The following CCDC88B variants were observed in gnomAD, a reference collection of about 807,000 sequenced individuals.
CCDC88B encodes coiled-coil and HOOK domain protein 88B.
CCDC88B carries 138 observed loss-of-function variants against 183.7 expected under a neutral mutation model. That is an observed-to-expected ratio of 0.75 (90% CI 0.65 to 0.87). The LOEUF (loss-of-function observed/expected upper bound fraction) is 0.87. CCDC88B is among the 40% of genes least tolerant of loss of function. The pLI is 0.00. For synonymous variants in CCDC88B, 835 were observed against 867.5 expected, an observed-to-expected ratio of 0.96 and a Z score of 0.66; for missense variants, 1,822 against 1,965.6, an observed-to-expected ratio of 0.93 and a Z score of 1.38.
In CCDC88B at chr11:64,357,255, C is replaced by T. The variant is rs771840854; in HGVS notation, c.*161C>T. ...ATCCTCCACGGTCAGCGCCGGGGCC[C>T]GGAGATGGAGCTGGGACGAGTGTGT... On this transcript the variant is annotated 3_prime_UTR_variant, in exon 27 of 27. Coordinates refer to ENST00000356786, the MANE Select transcript of CCDC88B (RefSeq NM_032251.6). The T allele has an allele frequency of 4.9e-5, 42 of 855,492 alleles. No homozygotes were observed. Among genetic ancestry groups the T allele is most frequent in the East Asian group, 1.0e-4 (4 of 38,248 alleles). 53.0% of individuals were successfully genotyped at this position (855,492 alleles called of 1,614,324 possible). A position where few individuals can be genotyped will look rare whatever the true frequency, so the allele number is the denominator to read the frequency against.
intron 24 of CCDC88B, among the ~76,000 whole-genome samples, chr11:64,354,760 C>T (rs1418281520): frequency 8.6e-6 from 1 of 116,596 alleles, no homozygotes; most frequent in Non-Finnish European, 1.8e-5. Flanking sequence ...CTGCATGAGA[C>T]TCAGTCCCCG....
chr11:64,343,142 G>C, intron 10 of CCDC88B, 37 bp from the exon 11 acceptor site: 2 of 1,498,868 alleles, frequency 1.3e-6, no homozygotes, highest in Non-Finnish European at 1.8e-6. Context: ...GTGCATGGGG[G>C]CTGCGTGGCT....
chr11:64,352,119 C>T lies in CCDC88B; in HGVS notation c.3100-11C>T. 1.3e-6 allele frequency: 2 copies of T among 1,531,028 alleles called. No individual in the cohort carries two copies. The highest frequency in any genetic ancestry group is 1.8e-6 in the Non-Finnish European group (2 of 1,135,756). The allele number at this position is 1,531,028 out of a possible 1,614,324, so 94.8% of individuals were successfully genotyped here. On this transcript the variant is annotated splice_polypyrimidine_tract_variant and intron_variant, in intron 18 of 26. Coordinates refer to ENST00000356786, the MANE Select transcript of CCDC88B (RefSeq NM_032251.6). ...CTCCCCAGCAGCCCCTGCTTCCCTC[C>T]TCCATCCTAGGCCGAGAAGTCTGTG...
intron 16 of CCDC88B, 63 bp from the exon 17 acceptor site, chr11:64,351,097 C>A: frequency 7.9e-7 from 1 of 1,262,322 alleles, no homozygotes; most frequent in Non-Finnish European, 1.1e-6. Flanking sequence ...AAGCGCAGGT[C>A]CTTGAGGCAT....
intron 7 of CCDC88B, 30 bp downstream of exon 7, chr11:64,341,772 G>A (rs778596045): frequency 1.3e-6 from 2 of 1,542,958 alleles, no homozygotes; most frequent in Middle Eastern, 1.8e-4. Context: ...CGTGGACTCA[G>A]GTTGGGGAAC....
At chr11:64,355,670 C>G in intron 26 of CCDC88B, 42 bp downstream of exon 26, 3 of 1,524,570 alleles carry the variant, frequency 2.0e-6, no homozygotes, top group Non-Finnish European at 2.7e-6. Flanking sequence ...CTTTGTCCTG[C>G]CTGGGGCCCC....
At position 64,340,674 on chromosome 11, in the gene CCDC88B, A is replaced by G; in HGVS notation, c.128A>G (p.Glu43Gly). ...GAGGGGGAAGAAGAGGAAGAGGAGG[A>G]AGAGCCGCCCCTTTGGTTGGAGAAG... ...DSEGEEEEEE[E>G]EPPLWLEKRF... Residue 43 changes from glutamate to glycine, a missense_variant, in exon 2 of 27, where the codon GAA (glutamate) becomes GGA (glycine). By Grantham distance (98) the Glu-to-Gly change is moderately conservative. Coordinates refer to ENST00000356786, the MANE Select transcript of CCDC88B (RefSeq NM_032251.6). 6.2e-7 allele frequency: 1 copy of G among 1,612,124 alleles called. No homozygotes were observed. The highest frequency in any genetic ancestry group is 8.5e-7 in the Non-Finnish European group (1 of 1,179,796).
In CCDC88B at chr11:64,351,460, C is replaced by A; in HGVS notation, c.2959-16C>A. 6.3e-7 allele frequency: 1 copy of A among 1,581,330 alleles called. No homozygotes were observed. On this transcript the variant is annotated splice_polypyrimidine_tract_variant and intron_variant, in intron 17 of 26. Transcript: ENST00000356786. ...CCCCCGCCACCTGGCTATTGCTAAC[C>A]CCCACTTCTGGGCAGAATGCGATGC...
At position 64,342,123 on chromosome 11, in the gene CCDC88B, C is replaced by T. The variant is rs564518326; in HGVS notation, c.805C>T (p.Arg269Cys). Residue 269 changes from arginine (R) to cysteine (C), a missense_variant, in exon 8 of 27, where the codon CGT becomes TGT. Coordinates refer to ENST00000356786, the MANE Select transcript of CCDC88B (RefSeq NM_032251.6). ...GGCCAACGCCAAGGCTCAGCTGCGG[C>T]GTCTGCGGCAGGAGCTGTGAGTGTG... ...QLANAKAQLR[R>C]LRQELEEKAE... The T allele has an allele frequency of 1.4e-4, 228 of 1,609,462 alleles. 1 individual carries two copies. The South Asian group carries it at 2.1e-3, about 14-fold the overall frequency.
chr11:64,353,366 C>T lies in CCDC88B; in HGVS notation c.3703C>T (p.Arg1235Ter), dbSNP rs771307009. Residue 1235 changes from arginine to a stop codon, truncating the protein, a stop_gained, in exon 22 of 27, where the codon CGA becomes TGA. Transcript: ENST00000356786. LOFTEE classifies it high-confidence loss of function. Reference sequence around the variant, plus strand: ...CCCCTGCCAGCTATTGACACAGCTGCGAAGTGCCCAGGAAGAGGAGAACCG... The same window carrying T: ...CCCCTGCCAGCTATTGACACAGCTGTGAAGTGCCCAGGAAGAGGAGAACCG... ...TTQCELLTQL[R>*]SAQEEENRQL... The T allele has an allele frequency of 7.4e-6, 12 of 1,613,434 alleles. No individual in the cohort carries two copies. Among genetic ancestry groups the T allele is most frequent in the South Asian group, 1.1e-5 (1 of 91,058 alleles).
At position 64,351,432 on chromosome 11, in the gene CCDC88B, G is replaced by A. The variant is rs1214130251; in HGVS notation, c.2959-44G>A. The A allele has an allele frequency of 1.9e-6, 3 of 1,557,318 alleles. No homozygotes were observed. In the South Asian group the frequency reaches 3.5e-5, roughly 18 times the overall value. On this transcript the variant is annotated intron_variant, in intron 17 of 26. Transcript: ENST00000356786. ...GTGGGCCTGTGGTAGGCACTAGGGG[G>A]TGCCCCCGCCACCTGGCTATTGCTA...
Position 64,344,059 on chromosome 11 carries a change from G to A in CCDC88B, c.1518G>A (p.Gln506=). 1 of 1,594,760 alleles carries A rather than the reference G, an allele frequency of 6.3e-7. No homozygotes were observed. Among genetic ancestry groups the A allele is most frequent in the Non-Finnish European group, 8.5e-7 (1 of 1,170,032 alleles). ...TTCCAGTGCTGGAGGAGGCTCCCCA[G>A]ACTCCTGTGGCCTTCGACCACAGCC... ...PVLPVLEEAP[Q]TPVAFDHSPQ... Residue 506 remains glutamine, a synonymous_variant, in exon 14 of 27, where the codon CAG becomes CAA. Coordinates refer to ENST00000356786, the MANE Select transcript of CCDC88B (RefSeq NM_032251.6). The surrounding 1 kb of genome is among the most constrained non-coding windows in gnomAD (Gnocchi z 4.5).
chr11:64,352,661 C>T (rs2036384834), intron 19 of CCDC88B, 83 bp from the exon 20 acceptor site: 1 of 1,580,982 alleles, frequency 6.3e-7, no homozygotes, highest in Non-Finnish European at 8.6e-7. Context: ...ACAGACCCCC[C>T]CGCCCCGGGT....
Position 64,340,769 on chromosome 11 carries a change from C to G in CCDC88B, c.206+17C>G, listed in dbSNP as rs1233639173. The G allele has an allele frequency of 1.3e-6, 2 of 1,593,962 alleles. No homozygotes were observed. Among genetic ancestry groups the G allele is most frequent in the Non-Finnish European group, 1.7e-6 (2 of 1,170,400 alleles). ...GGGCATCATGTAAGGGGCATCGGGC[C>G]GGGGCGGTGGCGGGGAAGGATCTGA... On this transcript the variant is annotated intron_variant, in intron 2 of 26. Transcript: ENST00000356786.
Position 64,354,079 on chromosome 11 carries a change from G to C in CCDC88B, c.4008G>C (p.Leu1336=), listed in dbSNP as rs2036449239. Reference sequence around the variant, plus strand: ...GGGAGGGGGGCCCCCCTGGGGGGCTGCGCCTGGGGGCCGATGGGGCTGGCA... The same window carrying C: ...GGGAGGGGGGCCCCCCTGGGGGGCTCCGCCTGGGGGCCGATGGGGCTGGCA... The part of the protein sequence containing the change: ...PRREGGPPGG[L]RLGADGAGST... Residue 1336 remains leucine (L), a synonymous_variant, in exon 24 of 27, where the codon CTG becomes CTC. Coordinates refer to ENST00000356786, the MANE Select transcript of CCDC88B (RefSeq NM_032251.6). The C allele has an allele frequency of 9.8e-6, 14 of 1,432,482 alleles. No homozygotes were observed. The highest frequency in any genetic ancestry group is 1.2e-5 in the Non-Finnish European group (13 of 1,087,952). The allele number at this position is 1,432,482 out of a possible 1,614,324, so 88.7% of individuals were successfully genotyped here.
intron 16 of CCDC88B, chr11:64,350,640 C>T (rs1385785852): frequency 6.6e-6 from 1 of 151,502 alleles, no homozygotes; most frequent in Non-Finnish European, 1.5e-5. Context: ...GAGCCGAGAT[C>T]ACACCACTGC....
Position 64,352,807 on chromosome 11 carries a change from G to T in CCDC88B, c.3420G>T (p.Glu1140Asp). The change falls in exon 20 of 27, where the codon GAG becomes GAT. Residue 1140 changes from glutamate (E) to aspartate (D), a missense_variant. Coordinates refer to ENST00000356786, the MANE Select transcript of CCDC88B (RefSeq NM_032251.6). ...CACAGGAGGTGGCCCTGCTGGCAGA[G>T]CGTGAACGCCTGATGCAAGATGGGC... ...VEAQEVALLA[E>D]RERLMQDGHR... 2 of 1,613,340 alleles carry T rather than the reference G, an allele frequency of 1.2e-6. No individual in the cohort carries two copies. Among genetic ancestry groups the T allele is most frequent in the Non-Finnish European group, 1.7e-6 (2 of 1,179,940 alleles).
In CCDC88B at chr11:64,344,973, GGGAGGCGCTGGT is replaced by G. The variant is rs2036044798; in HGVS notation, c.2444_2455del (p.Val815_Leu818del). 6.5e-7 allele frequency: 1 copy of G among 1,548,858 alleles called. No homozygotes were observed. Among genetic ancestry groups the G allele is most frequent in the Non-Finnish European group, 8.7e-7 (1 of 1,148,078 alleles). On this transcript the variant is annotated inframe_deletion, in exon 14 of 27. Transcript: ENST00000356786. This position sits in a 1 kb window ranked among gnomAD's most constrained non-coding sequence, Gnocchi z 4.5. ...GAGCTGGAGTCTGCGTCCCAGGAAC[GGGAGGCGCTGGT>G]GGAGGCGCTGGCAGCAGCGGGCCGG...
intron 16 of CCDC88B, 27 bp from the exon 17 acceptor site, chr11:64,351,133 A>G: frequency 2.1e-6 from 3 of 1,448,678 alleles, no homozygotes; most frequent in Non-Finnish European, 2.7e-6. Context: ...GCTGTCCCGC[A>G]TGACCTCCCA....
Sources: gnomAD v4.1 joint callset for allele counts (sites outside exome capture counted in the v4.1 genomes callset) on GRCh38, gnomAD v4.1.1 for gene constraint, Gnocchi (gnomAD v3.1) non-coding constraint, MANE v1.5 for transcripts, NCBI Gene and HGNC (gene_info 2026-07-23, HGNC 2026-07-21) for gene names.